Variants in PREX2 observed in about 807,000 individuals in gnomAD.
PREX2 encodes the protein phosphatidylinositol-3,4,5-trisphosphate dependent Rac exchange factor 2, also known as phosphatidylinositol 3,4,5-trisphosphate-dependent Rac exchanger 2 protein.
In PREX2, 107 loss-of-function variants were observed where a neutral mutation model predicts 203.2. The ratio of observed to expected loss-of-function variants is 0.53; its 90% CI spans 0.45 to 0.62. PREX2 has a LOEUF of 0.62. PREX2 is among the 20% of genes least tolerant of loss of function. The probability of loss-of-function intolerance (pLI) is 0.00; values close to 1 mark genes in which losing one functional copy is unlikely to be tolerated. For missense variants in PREX2, 1,777 were observed against 1,955.9 expected (o/e 0.91, Z 1.72); for synonymous variants, 672 against 663.6 (o/e 1.01, Z -0.19).
chr8:67,967,930 G>A (rs558233990), intron 1 of PREX2, among the ~76,000 whole-genome samples: 9 of 152,036 alleles, frequency 5.9e-5, no homozygotes, highest in Non-Finnish European at 7.4e-5. Context: ...TGAGCCTGTC[G>A]TGGGGTTGGG....
intron 37 of PREX2, among the ~76,000 whole-genome samples, chr8:68,211,808 G>A (rs1812747648): frequency 6.6e-6 from 1 of 152,082 alleles, no homozygotes; most frequent in Non-Finnish European, 1.5e-5. Context: ...TGTGGGTTGT[G>A]GGGAGTAAGT....
intron 37 of PREX2, among the ~76,000 whole-genome samples, chr8:68,197,753 A>G (rs984827978): frequency 2.7e-5 from 4 of 148,214 alleles, no homozygotes; most frequent in Admixed American, 6.8e-5. Flanking sequence ...TGCTATATAT[A>G]TATGCTATAT....
At chr8:68,143,171 C>T (rs1280361130) in intron 33 of PREX2, among the ~76,000 whole-genome samples, 1 of 152,108 alleles carries the variant, frequency 6.6e-6, no homozygotes, top group African/African-American at 2.4e-5. Flanking sequence ...ACCCAAATCT[C>T]ATGCTTAATT....
intron 1 of PREX2, among the ~76,000 whole-genome samples, chr8:67,986,594 G>T (rs1165625876): frequency 6.6e-6 from 1 of 152,200 alleles, no homozygotes; most frequent in Non-Finnish European, 1.5e-5. Flanking sequence ...TTGGGTTTAA[G>T]TCATAGATTT....
intron 6 of PREX2, 54 bp from the exon 7 acceptor site, chr8:68,038,105 T>G: frequency 6.4e-7 from 1 of 1,560,354 alleles, no homozygotes. Context: ...AAATAATTAT[T>G]TACAGAAGTG....
At chr8:68,093,117 G>A (rs1043779507) in intron 20 of PREX2, among the ~76,000 whole-genome samples, 8 of 152,082 alleles carry the variant, frequency 5.3e-5, no homozygotes, top group African/African-American at 1.7e-4. Flanking sequence ...TAGGCCAGGC[G>A]CAGTAGCTCC....
intron 24 of PREX2, 52 bp downstream of exon 24, chr8:68,108,383 C>G (rs1413111479): frequency 7.9e-7 from 1 of 1,260,156 alleles, no homozygotes; most frequent in African/African-American, 1.5e-5. Flanking sequence ...TTTAGGCAAT[C>G]ATAGCTATTC....
At chr8:68,075,338 A>G (rs1809315545) in intron 14 of PREX2, among the ~76,000 whole-genome samples, 1 of 152,238 alleles carries the variant, frequency 6.6e-6, no homozygotes, top group Non-Finnish European at 1.5e-5. Flanking sequence ...TTGTAAGCTT[A>G]ATGTTCAAGC....
In PREX2 at chr8:68,069,045, A is replaced by G; in HGVS notation, c.1352A>G (p.His451Arg). Residue 451 changes from histidine (H) to arginine (R), a missense_variant, in exon 12 of 40, where the codon CAT becomes CGT. Coordinates refer to ENST00000288368, the MANE Select transcript of PREX2 (RefSeq NM_024870.4). ...NGIIHHVTDK[H>R]QFKPEQMLYR... is the part of the protein sequence containing the mutation. The stretch of plus-strand genomic sequence containing the variant: ...TCTATGTTCTTAGTTACTGATAAAC[A>G]TCAATTCAAACCAGAACAGATGTTA... 1.4e-6 allele frequency: 2 copies of G among 1,462,000 alleles called. No homozygotes were observed. The highest frequency in any genetic ancestry group is 1.9e-6 in the Non-Finnish European group (2 of 1,080,074). 90.6% of individuals were successfully genotyped at this position (1,462,000 alleles called of 1,614,324 possible). A position where few individuals can be genotyped will look rare whatever the true frequency, so the allele number is the denominator to read the frequency against.
At chr8:68,175,645 A>C (rs1811963453) in intron 35 of PREX2, among the ~76,000 whole-genome samples, 1 of 152,166 alleles carries the variant, frequency 6.6e-6, no homozygotes, top group Non-Finnish European at 1.5e-5. Flanking sequence ...TGAGACTGTG[A>C]ATCAGGCCCA....
At chr8:67,964,470 T>C (rs994773809) in intron 1 of PREX2, among the ~76,000 whole-genome samples, 3 of 152,216 alleles carry the variant, frequency 2.0e-5, no homozygotes, top group Non-Finnish European at 2.9e-5. Flanking sequence ...ATATTAATTA[T>C]TGGATTCCTT....
intron 30 of PREX2, among the ~76,000 whole-genome samples, chr8:68,125,585 A>C (rs1246825173): frequency 3.9e-5 from 6 of 152,146 alleles, no homozygotes; most frequent in African/African-American, 1.4e-4. Context: ...GGTGTCCCTA[A>C]GACGATGCCT....
At chr8:68,028,414 C>T (rs1372443655) in intron 5 of PREX2, among the ~76,000 whole-genome samples, 1 of 151,864 alleles carries the variant, frequency 6.6e-6, no homozygotes, top group Non-Finnish European at 1.5e-5. Flanking sequence ...CTCAGAAATA[C>T]TAGAGGCATA....
chr8:68,175,121 G>C (rs1244087731), intron 35 of PREX2, among the ~76,000 whole-genome samples: 1 of 152,216 alleles, frequency 6.6e-6, no homozygotes, highest in Non-Finnish European at 1.5e-5. Context: ...CAGAACAGGA[G>C]CATTTAGGAA....
chr8:68,019,764 G>A, intron 3 of PREX2, 93 bp downstream of exon 3: 1 of 1,266,830 alleles, frequency 7.9e-7, no homozygotes, highest in Non-Finnish European at 1.1e-6. Flanking sequence ...TTCAGTATTA[G>A]AAGTAAAATC....
intron 18 of PREX2, among the ~76,000 whole-genome samples, chr8:68,086,845 C>A (rs977761261): frequency 1.3e-5 from 2 of 152,204 alleles, no homozygotes; most frequent in East Asian, 3.9e-4. Flanking sequence ...TGCATAAATA[C>A]TAAAGTGAAT....
chr8:68,126,504 C>T (rs1018178933), intron 30 of PREX2, among the ~76,000 whole-genome samples: 5 of 152,072 alleles, frequency 3.3e-5, no homozygotes, highest in Non-Finnish European at 5.9e-5. Flanking sequence ...TACTTTGCTG[C>T]CTCTGAAATC....
At chr8:67,952,807 G>C in intron 1 of PREX2, 1 of 545,524 alleles carries the variant, frequency 1.8e-6, no homozygotes, top group Non-Finnish European at 3.3e-6. Context: ...CTCCAGTCCA[G>C]GGAATCCCGG....
intron 35 of PREX2, among the ~76,000 whole-genome samples, chr8:68,170,863 C>T (rs1811862706): frequency 1.3e-5 from 2 of 152,036 alleles, no homozygotes. Flanking sequence ...TTTACCAAAC[C>T]CATTCATTTT....
Sources: gnomAD v4.1 joint callset for allele counts (sites outside exome capture counted in the v4.1 genomes callset) on GRCh38, gnomAD v4.1.1 for gene constraint, MANE v1.5 for transcripts, NCBI Gene and HGNC (gene_info 2026-07-23, HGNC 2026-07-21) for gene names.